Variants in NEURL3 observed in about 807,000 individuals in gnomAD.
NEURL3 encodes neuralized E3 ubiquitin protein ligase 3, also known as E3 ubiquitin-protein ligase NEURL3.
A neutral mutation model predicts 17.6 loss-of-function variants in NEURL3; 19 were observed. The ratio of observed to expected loss-of-function variants is 1.08; its 90% CI spans 0.75 to 1.58. The LOEUF is 1.58. Ranked by LOEUF, NEURL3 falls within the 40% of genes most tolerant of loss-of-function variation. The pLI is 0.00. For synonymous variants in NEURL3, 180 were observed against 161.4 expected, an observed-to-expected ratio of 1.11 and a Z score of -0.87; for missense variants, 342 against 379.6, an observed-to-expected ratio of 0.90 and a Z score of 0.82.
intron 1 of NEURL3, 81 bp from the exon 2 acceptor site, chr2:96,501,005 G>A: frequency 7.1e-7 from 1 of 1,408,590 alleles, no homozygotes; most frequent in East Asian, 2.7e-5. Context: ...GTATCCCAGA[G>A]TCCCTCACAC....
In NEURL3 at chr2:96,498,008, A is replaced by G; in HGVS notation, c.*236T>C. ...ACCCCATCTCTAAACAAAGCACCCC[A>G]TCAGAAGGATAGTTCTGGCATGGAC... On this transcript the variant is annotated 3_prime_UTR_variant, in exon 4 of 4. Coordinates refer to ENST00000451794, the MANE Select transcript of NEURL3 (RefSeq NM_001285485.2). This position sits in a 1 kb window ranked among gnomAD's most constrained non-coding sequence, Gnocchi z 4.4. 1.9e-6 allele frequency: 1 copy of G among 532,554 alleles called. No individual in the cohort carries two copies. The highest frequency in any genetic ancestry group is 3.3e-6 in the Non-Finnish European group (1 of 301,190). The allele number at this position is 532,554 out of a possible 1,614,324, so 33.0% of individuals were successfully genotyped here. A position where few individuals can be genotyped will look rare whatever the true frequency, so the allele number is the denominator to read the frequency against.
intron 1 of NEURL3, among the ~76,000 whole-genome samples, chr2:96,503,372 G>A (rs888338504): frequency 2.6e-5 from 4 of 152,280 alleles, no homozygotes; most frequent in East Asian, 1.9e-4. Flanking sequence ...GGTGGGTGCC[G>A]AGGGGACGTG....
chr2:96,505,222 A>G, intron 1 of NEURL3, 37 bp downstream of exon 1: 1 of 1,598,776 alleles, frequency 6.3e-7, no homozygotes, highest in Non-Finnish European at 8.5e-7. Context: ...CCCCCAGTCC[A>G]GAGACCAAGC....
rs532247507 is a variant in NEURL3, at chr2:96,503,878, C to T, written c.28+1381G>A. 2.0e-5 allele frequency among the ~76,000 whole-genome samples: 3 copies of T among 152,344 alleles called. No individual in the cohort carries two copies. In the South Asian group the frequency reaches 6.2e-4, roughly 32 times the overall value. ...GACCTGTCCCCAGTGGCTGGGCTGGCACAGGGTTCAGATCATCCTGGTGCC... is the reference window on the plus strand; with the variant it reads ...GACCTGTCCCCAGTGGCTGGGCTGGTACAGGGTTCAGATCATCCTGGTGCC... On this transcript the variant is annotated intron_variant, in intron 1 of 3. Coordinates refer to ENST00000451794, the MANE Select transcript of NEURL3 (RefSeq NM_001285485.2).
intron 1 of NEURL3, 119 bp downstream of exon 1, chr2:96,505,139 AC>A: frequency 8.2e-7 from 1 of 1,213,944 alleles, no homozygotes; most frequent in Non-Finnish European, 1.2e-6. Flanking sequence ...CTGGGACCCC[AC>A]CAGCCCCCTA....
chr2:96,498,597 A>G lies in NEURL3; in HGVS notation c.587-151T>C. On this transcript the variant is annotated intron_variant, in intron 3 of 3. Transcript: ENST00000451794. The surrounding 1 kb of genome is among the most constrained non-coding windows in gnomAD (Gnocchi z 4.4). ...AAATGCTTACAGTGTAATCAAGTGA[A>G]AAAAAGGGGGAAGAAAACCATTTTT... The G allele has an allele frequency of 3.0e-6, 1 of 330,314 alleles. No individual in the cohort carries two copies. Among genetic ancestry groups the G allele is most frequent in the Non-Finnish European group, 4.3e-6 (1 of 231,328 alleles). 20.5% of individuals were successfully genotyped at this position (330,314 alleles called of 1,614,324 possible).
intron 1 of NEURL3, 137 bp from the exon 2 acceptor site, chr2:96,501,061 C>T (rs543720130): frequency 9.1e-7 from 1 of 1,097,160 alleles, no homozygotes; most frequent in South Asian, 1.8e-5. Context: ...CCACCTCTCT[C>T]GGTTCCTGCA....
upstream of NEURL3, among the ~76,000 whole-genome samples, chr2:96,507,487 G>A (rs1481647202): frequency 6.6e-6 from 1 of 152,092 alleles, no homozygotes; most frequent in East Asian, 1.9e-4. Flanking sequence ...GTTTTTGAGA[G>A]GGAGTCTCGC....
intron 2 of NEURL3, 42 bp from the exon 3 acceptor site, chr2:96,499,491 A>G (rs752746126): frequency 2.5e-6 from 4 of 1,573,084 alleles, no homozygotes; most frequent in Admixed American, 3.3e-5. Flanking sequence ...CGGCAAGCCC[A>G]GGTGCCCCCC....
Position 96,500,532 on chromosome 2 carries a change from A to G in NEURL3, c.421T>C (p.Cys141Arg). The G allele has an allele frequency of 6.3e-7, 1 of 1,578,526 alleles. No homozygotes were observed. Among genetic ancestry groups the G allele is most frequent in the Non-Finnish European group, 8.5e-7 (1 of 1,170,878 alleles). Residue 141 changes from cysteine to arginine, a missense_variant, in exon 2 of 4, where the codon TGC becomes CGC. Transcript: ENST00000451794. ...GCLFAKVNAG[C>R]RLLLREGVPV... The stretch of plus-strand genomic sequence containing the variant: ...ACGCCCTCACGCAGCAGGAGCCGGC[A>G]GCCGGCGTTGACCTTGGCGAAGAGG...
chr2:96,503,061 G>A (rs1558600569), intron 1 of NEURL3, among the ~76,000 whole-genome samples: 3 of 152,284 alleles, frequency 2.0e-5, no homozygotes, highest in East Asian at 3.9e-4. Flanking sequence ...GCAGGTGCCC[G>A]GGACAGAGGC....
rs767406738 is a variant in NEURL3, at chr2:96,498,240, C to T, written c.*4G>A. ...GGCTGCCACTCATACTGGGAAGCCT[C>T]CTTTCATGAGCCTTCCTCAACCCTC... is the stretch of plus-strand genomic sequence containing the variant. On this transcript the variant is annotated 3_prime_UTR_variant, in exon 4 of 4. Coordinates refer to ENST00000451794, the MANE Select transcript of NEURL3 (RefSeq NM_001285485.2). This position sits in a 1 kb window ranked among gnomAD's most constrained non-coding sequence, Gnocchi z 4.4. 1.6e-5 allele frequency: 25 copies of T among 1,540,084 alleles called. No individual in the cohort carries two copies. The East Asian group carries it at 5.0e-4, about 31-fold the overall frequency.
intron 2 of NEURL3, 98 bp from the exon 3 acceptor site, chr2:96,499,547 T>A: frequency 8.8e-7 from 1 of 1,131,314 alleles, no homozygotes; most frequent in Non-Finnish European, 1.3e-6. Flanking sequence ...TCTCCTTTCT[T>A]TCCTGGGTTG....
intron 2 of NEURL3, chr2:96,499,858 C>G (rs1033580602): frequency 5.3e-6 from 1 of 189,356 alleles, no homozygotes; most frequent in East Asian, 1.5e-4. Flanking sequence ...GCAGCTGTGA[C>G]AAATGGTTTT....
At chr2:96,500,373 G>A in intron 2 of NEURL3, 66 bp downstream of exon 2, 1 of 1,579,766 alleles carries the variant, frequency 6.3e-7, no homozygotes, top group African/African-American at 1.3e-5. Context: ...GCTCTGGATC[G>A]GTGTGGGGTG....
At position 96,503,117 on chromosome 2, in the gene NEURL3, C is replaced by T. The variant is rs193285116; in HGVS notation, c.28+2142G>A. Among the ~76,000 whole-genome samples, 13 of 152,216 alleles carry T rather than the reference C, an allele frequency of 8.5e-5. No homozygotes were observed. In the South Asian group the frequency reaches 1.0e-3, roughly 12 times the overall value. On this transcript the variant is annotated intron_variant, in intron 1 of 3. Coordinates refer to ENST00000451794, the MANE Select transcript of NEURL3 (RefSeq NM_001285485.2). ...TCTGGGGGCAAGGAGGGGTGGAGGA[C>T]GGCAGGTGACCTCACTCCTCCATCC...
chr2:96,503,305 C>T (rs751193379), intron 1 of NEURL3, among the ~76,000 whole-genome samples: 1 of 152,174 alleles, frequency 6.6e-6, no homozygotes, highest in Non-Finnish European at 1.5e-5. Context: ...CCGATCCCTG[C>T]TTCAGGAGCC....
chr2:96,502,011 T>A (rs530386369), intron 1 of NEURL3, among the ~76,000 whole-genome samples: 5 of 152,212 alleles, frequency 3.3e-5, no homozygotes, highest in Admixed American at 3.3e-4. Context: ...GCCAGGAGGC[T>A]CCATCTGGTC....
At chr2:96,499,343 C>G (rs1228320921) in intron 3 of NEURL3, 35 bp downstream of exon 3, 1 of 1,596,764 alleles carries the variant, frequency 6.3e-7, no homozygotes, top group East Asian at 2.2e-5. Flanking sequence ...GTGCTGGATT[C>G]CCGGGGAGTC....
Sources: gnomAD v4.1 joint callset for allele counts (sites outside exome capture counted in the v4.1 genomes callset) on GRCh38, gnomAD v4.1.1 for gene constraint, Gnocchi (gnomAD v3.1) non-coding constraint, MANE v1.5 for transcripts, NCBI Gene and HGNC (gene_info 2026-07-23, HGNC 2026-07-21) for gene names.